The following BLOC1S5 variants were observed in gnomAD, a reference collection of about 807,000 sequenced individuals.
BLOC1S5 encodes biogenesis of lysosome-related organelles complex 1 subunit 5.
BLOC1S5 carries 27 observed loss-of-function variants against 24.3 expected under a neutral mutation model. The observed-to-expected ratio is 1.11, with a 90% CI of 0.82 to 1.53. The LOEUF is 1.53. BLOC1S5 is among the 40% of genes most tolerant of loss of function. BLOC1S5 has a pLI of 0.00. For synonymous variants in BLOC1S5, 84 were observed against 74.5 expected (o/e 1.13, Z -0.66); for missense variants, 239 against 229.4 (o/e 1.04, Z -0.27).
intron 3 of BLOC1S5, among the ~76,000 whole-genome samples, chr6:8,034,702 CT>C (rs564680175): frequency 1.5e-3 from 233 of 152,130 alleles, no homozygotes; most frequent in Middle Eastern, 6.8e-3. Context: ...GGAATGTAAA[CT>C]AGTACAACCA....
chr6:8,020,745 GAATAA>G (rs1483594904), intron 4 of BLOC1S5, among the ~76,000 whole-genome samples: 1 of 152,008 alleles, frequency 6.6e-6, no homozygotes, highest in African/African-American at 2.4e-5. Context: ...ATAAAATTCT[GAATAA>G]AATGACTTGG....
At chr6:8,020,534 C>G (rs1762883381) in intron 4 of BLOC1S5, among the ~76,000 whole-genome samples, 1 of 152,226 alleles carries the variant, frequency 6.6e-6, no homozygotes, top group South Asian at 2.1e-4. Context: ...CTCCCCACCC[C>G]AGCTGAGTTT....
intron 3 of BLOC1S5, among the ~76,000 whole-genome samples, chr6:8,035,357 T>TTAAAAAAAAAAGGCATAGAG (rs1763451024): frequency 9.5e-6 from 1 of 105,526 alleles, no homozygotes; most frequent in Non-Finnish European, 2.1e-5. Context: ...TTTTTTTTTT[T>TTAAAAAAAAAAGGCATAGAG]TTAAAAAAAA....
chr6:8,056,579 G>C (rs1764316659), intron 2 of BLOC1S5, among the ~76,000 whole-genome samples: 1 of 152,120 alleles, frequency 6.6e-6, no homozygotes, highest in African/African-American at 2.4e-5. Context: ...AATGCTTATG[G>C]CACAGACTCA....
chr6:8,016,099 G>C (rs927926472), intron 4 of BLOC1S5, among the ~76,000 whole-genome samples: 1 of 152,234 alleles, frequency 6.6e-6, no homozygotes, highest in South Asian at 2.1e-4. Context: ...GCCGAAGCCG[G>C]TGGATCACCT....
intron 3 of BLOC1S5, among the ~76,000 whole-genome samples, chr6:8,033,496 TA>T (rs1227378716): frequency 6.6e-6 from 1 of 152,186 alleles, no homozygotes; most frequent in Middle Eastern, 3.2e-3. Flanking sequence ...ATTAAAGACT[TA>T]AACGTTAGAC....
chr6:8,035,377 T>C (rs1035892576), intron 3 of BLOC1S5, among the ~76,000 whole-genome samples: 8 of 142,502 alleles, frequency 5.6e-5, no homozygotes, highest in Non-Finnish European at 1.1e-4. Flanking sequence ...AGGCATAGAG[T>C]GGCTGAATAA....
chr6:8,017,175 C>T (rs533553992), intron 4 of BLOC1S5, among the ~76,000 whole-genome samples: 1 of 152,174 alleles, frequency 6.6e-6, no homozygotes, highest in African/African-American at 2.4e-5. Flanking sequence ...AACTTTATAT[C>T]CCTATTTCAA....
At position 8,064,187 on chromosome 6, in the gene BLOC1S5, G is replaced by C. The variant is rs1041992781; in HGVS notation, c.112+78C>G. On this transcript the variant is annotated intron_variant, in intron 1 of 4. Transcript: ENST00000397457. Reference sequence around the variant, plus strand: ...GCGCCAGCCCGGGACCCGGGGGTCGGCCCGGGTCAGAGGGCGCCGCCTGGG... The same window carrying C: ...GCGCCAGCCCGGGACCCGGGGGTCGCCCCGGGTCAGAGGGCGCCGCCTGGG... The C allele has an allele frequency of 3.9e-6, 5 of 1,269,842 alleles. No individual in the cohort carries two copies. In the Admixed American group the frequency reaches 1.6e-4, roughly 41 times the overall value. 78.7% of individuals were successfully genotyped at this position (1,269,842 alleles called of 1,614,324 possible). A position where few individuals can be genotyped will look rare whatever the true frequency, so the allele number is the denominator to read the frequency against.
intron 3 of BLOC1S5, among the ~76,000 whole-genome samples, chr6:8,033,657 A>G (rs561530465): frequency 9.2e-5 from 14 of 152,370 alleles, no homozygotes; most frequent in African/African-American, 3.1e-4. Flanking sequence ...GAGCTTCTGC[A>G]CAGCAAAAGA....
chr6:8,026,542 C>T, intron 3 of BLOC1S5, 117 bp from the exon 4 acceptor site: 1 of 780,684 alleles, frequency 1.3e-6, no homozygotes, highest in Non-Finnish European at 2.1e-6. Context: ...AAAAACTATG[C>T]AAAGAACTGA....
chr6:8,047,574 T>C (rs1303474824), intron 2 of BLOC1S5, among the ~76,000 whole-genome samples: 1 of 152,196 alleles, frequency 6.6e-6, no homozygotes, highest in Non-Finnish European at 1.5e-5. Flanking sequence ...ATATGTTTCT[T>C]AAGTCCTTTT....
At chr6:8,043,944 C>T (rs1480830322) in intron 2 of BLOC1S5, among the ~76,000 whole-genome samples, 1 of 152,082 alleles carries the variant, frequency 6.6e-6, no homozygotes, top group Non-Finnish European at 1.5e-5. Flanking sequence ...TCAGGGGTTT[C>T]CACTTTTGCT....
At chr6:8,033,619 T>C (rs1306361610) in intron 3 of BLOC1S5, among the ~76,000 whole-genome samples, 4 of 152,090 alleles carry the variant, frequency 2.6e-5, no homozygotes, top group African/African-American at 9.7e-5. Context: ...AAAGCCAAAA[T>C]AGACAAATGG....
intron 2 of BLOC1S5, among the ~76,000 whole-genome samples, chr6:8,058,980 G>A (rs1425479072): frequency 6.6e-6 from 1 of 152,038 alleles, no homozygotes; most frequent in Non-Finnish European, 1.5e-5. Flanking sequence ...ACTAAATAAG[G>A]AACTTATACA....
chr6:8,042,337 A>G (rs565673854), intron 2 of BLOC1S5, among the ~76,000 whole-genome samples: 1 of 152,346 alleles, frequency 6.6e-6, no homozygotes, highest in South Asian at 2.1e-4. Flanking sequence ...AGTAAAAGTA[A>G]TATGTAGATA....
chr6:8,023,804 A>G, intron 4 of BLOC1S5, among the ~76,000 whole-genome samples: 1 of 152,100 alleles, frequency 6.6e-6, no homozygotes, highest in Non-Finnish European at 1.5e-5. Context: ...CCTTTATGAC[A>G]TACGTGTGTG....
intron 2 of BLOC1S5, among the ~76,000 whole-genome samples, chr6:8,052,902 A>G (rs536554319): frequency 1.3e-5 from 2 of 150,310 alleles, no homozygotes; most frequent in African/African-American, 2.5e-5. Flanking sequence ...TGTCAAAAAA[A>G]AAAAAAAGAA....
intron 3 of BLOC1S5, among the ~76,000 whole-genome samples, chr6:8,033,590 A>G (rs977284021): frequency 2.6e-5 from 4 of 152,228 alleles, no homozygotes; most frequent in African/African-American, 9.7e-5. Context: ...TGGCTAAAAC[A>G]CCAAAAGCAA....
Sources: allele counts gnomAD v4.1 joint callset (sites outside exome capture counted in the v4.1 genomes callset), GRCh38; gene constraint gnomAD v4.1.1; transcripts MANE v1.5; gene names NCBI Gene and HGNC (gene_info 2026-07-23, HGNC 2026-07-21).